Variants in CSMD2 observed in about 807,000 individuals in gnomAD.
The protein encoded by CSMD2 is CUB and sushi domain-containing protein 2.
CSMD2 carries 130 observed loss-of-function variants against 398.5 expected under a neutral mutation model. That is an observed-to-expected ratio of 0.33 (90% CI 0.28 to 0.38). CSMD2 has a LOEUF of 0.38. CSMD2 is among the 10% of genes least tolerant of loss of function. The pLI, the probability that CSMD2 is intolerant of heterozygous loss-of-function variation, is 1.00. For missense variants in CSMD2, 3,829 were observed against 4,764.9 expected (o/e 0.80, Z 5.78); for synonymous variants, 1,828 against 1,908.5 (o/e 0.96, Z 1.10).
At chr1:33,531,222 C>T (rs1655204994) in intron 64 of CSMD2, among the ~76,000 whole-genome samples, 1 of 152,170 alleles carries the variant, frequency 6.6e-6, no homozygotes, top group Non-Finnish European at 1.5e-5. Flanking sequence ...TACATATATA[C>T]AACTTTTATT....
intron 21 of CSMD2, among the ~76,000 whole-genome samples, chr1:33,711,927 G>A (rs1354280339): frequency 6.6e-6 from 1 of 152,198 alleles, no homozygotes; most frequent in Non-Finnish European, 1.5e-5. Flanking sequence ...GGAGGGGACA[G>A]GAGGGATAGA....
intron 10 of CSMD2, among the ~76,000 whole-genome samples, chr1:33,808,044 T>G (rs1656425783): frequency 6.6e-6 from 1 of 152,088 alleles, no homozygotes; most frequent in Admixed American, 6.6e-5. Flanking sequence ...TAATTATTTT[T>G]GAAACAGTTC....
chr1:34,086,182 T>C (rs1019353291), intron 2 of CSMD2, among the ~76,000 whole-genome samples: 1 of 152,212 alleles, frequency 6.6e-6, no homozygotes, highest in Non-Finnish European at 1.5e-5. Flanking sequence ...CAGTGCCCCA[T>C]TGGTTTGACC....
At chr1:33,623,347 A>G in intron 36 of CSMD2, 23 bp downstream of exon 36, 2 of 1,547,766 alleles carry the variant, frequency 1.3e-6, no homozygotes, top group South Asian at 1.1e-5. Context: ...CTCCAAATTG[A>G]AGCCCCTGGA....
intron 44 of CSMD2, chr1:33,599,839 G>A (rs1570892580): frequency 6.8e-6 from 2 of 292,922 alleles, no homozygotes; most frequent in Non-Finnish European, 1.3e-5. Context: ...GTTGCTTCCT[G>A]TTTCTTTCAC....
chr1:34,018,923 AGTG>A (rs763414685), intron 3 of CSMD2, among the ~76,000 whole-genome samples: 8 of 152,222 alleles, frequency 5.3e-5, no homozygotes, highest in Non-Finnish European at 1.2e-4. Context: ...TCCCTATTAT[AGTG>A]GAATATTTAA....
At chr1:34,084,784 A>G (rs2148350729) in intron 2 of CSMD2, among the ~76,000 whole-genome samples, 1 of 151,912 alleles carries the variant, frequency 6.6e-6, no homozygotes, top group East Asian at 1.9e-4. Context: ...TGTTGGTGGG[A>G]CTGTAAACTA....
intron 28 of CSMD2, among the ~76,000 whole-genome samples, chr1:33,651,124 A>C (rs1643732309): frequency 6.6e-6 from 1 of 152,106 alleles, no homozygotes; most frequent in Non-Finnish European, 1.5e-5. Context: ...TAGCTAAGGG[A>C]GAGATCGGCA....
chr1:33,679,409 C>T (rs1455067645), intron 25 of CSMD2, among the ~76,000 whole-genome samples: 7 of 152,048 alleles, frequency 4.6e-5, no homozygotes, highest in African/African-American at 1.7e-4. Context: ...ACCATGTTGG[C>T]CAGGATGGTC....
In CSMD2 at chr1:33,537,137, A is replaced by G; in HGVS notation, c.9806-42T>C. Reference sequence around the variant, plus strand: ...AAGACACAGATCACATGGTCATGGAAGCCTTCACGGCCTCATCTCACTCTG... The same window carrying G: ...AAGACACAGATCACATGGTCATGGAGGCCTTCACGGCCTCATCTCACTCTG... On this transcript the variant is annotated intron_variant, in intron 61 of 70. Coordinates refer to ENST00000373381, the MANE Select transcript of CSMD2 (RefSeq NM_001281956.2). The surrounding 1 kb of genome is among the most constrained non-coding windows in gnomAD (Gnocchi z 4.6). 6.2e-7 allele frequency: 1 copy of G among 1,602,216 alleles called. No homozygotes were observed. Among genetic ancestry groups the G allele is most frequent in the Non-Finnish European group, 8.6e-7 (1 of 1,169,216 alleles).
In CSMD2 at chr1:33,572,625, C is replaced by A. The variant is rs2148698385; in HGVS notation, c.7643G>T (p.Gly2548Val). ...ACTGCAGCTGTACATGGCCTTGGTT[C>A]CCACTGTGTACTCCTTGCCAAACAC... is the stretch of plus-strand genomic sequence containing the variant. ...GMVFGKEYTVGTKAMYSCSEG... is the reference protein window; with the variant it reads ...GMVFGKEYTVVTKAMYSCSEG... Residue 2548 changes from glycine (G) to valine (V), a missense_variant, in exon 50 of 71, where the codon GGA becomes GTA. This residue lies in a region of CSMD2 where 723 missense variants were observed against 758.6 expected (regional missense o/e 0.95). Coordinates refer to ENST00000373381, the MANE Select transcript of CSMD2 (RefSeq NM_001281956.2). 1 of 1,614,038 alleles carries A rather than the reference C, an allele frequency of 6.2e-7. No individual in the cohort carries two copies. Among genetic ancestry groups the A allele is most frequent in the Non-Finnish European group, 8.5e-7 (1 of 1,179,950 alleles).
intron 1 of CSMD2, among the ~76,000 whole-genome samples, chr1:34,128,711 A>G (rs1663004781): frequency 6.6e-6 from 1 of 152,130 alleles, no homozygotes; most frequent in Non-Finnish European, 1.5e-5. Context: ...GTCATCGGGG[A>G]GTGAGTAGAC....
At chr1:33,715,742 G>A (rs780052389) in intron 20 of CSMD2, among the ~76,000 whole-genome samples, 4 of 152,222 alleles carry the variant, frequency 2.6e-5, no homozygotes, top group Admixed American at 6.5e-5. Context: ...TGAAGGGCTC[G>A]GTATGAGAGG....
chr1:33,984,604 G>A (rs1428381239), intron 3 of CSMD2, among the ~76,000 whole-genome samples: 3 of 152,136 alleles, frequency 2.0e-5, no homozygotes, highest in East Asian at 1.9e-4. Context: ...GCAACATAGC[G>A]AGACTCTGTC....
intron 25 of CSMD2, among the ~76,000 whole-genome samples, chr1:33,676,194 G>A (rs1300901698): frequency 2.0e-5 from 3 of 152,200 alleles, no homozygotes; most frequent in Non-Finnish European, 4.4e-5. Flanking sequence ...TGACATGATT[G>A]TATATCTAGA....
intron 13 of CSMD2, among the ~76,000 whole-genome samples, chr1:33,750,097 G>GA (rs1006098676): frequency 6.6e-6 from 1 of 151,792 alleles, no homozygotes; most frequent in Non-Finnish European, 1.5e-5. Flanking sequence ...CTGATAGGAA[G>GA]AAAAAAAATT....
At chr1:33,866,303 C>T (rs1640030300) in intron 5 of CSMD2, among the ~76,000 whole-genome samples, 1 of 152,188 alleles carries the variant, frequency 6.6e-6, no homozygotes, top group Non-Finnish European at 1.5e-5. Flanking sequence ...TAAAAAATTT[C>T]CTTCTGACAG....
At chr1:34,113,632 G>C (rs550246469) in intron 1 of CSMD2, among the ~76,000 whole-genome samples, 3 of 152,144 alleles carry the variant, frequency 2.0e-5, no homozygotes, top group Non-Finnish European at 4.4e-5. Flanking sequence ...CAGGGGCTTG[G>C]GAGTGACATC....
intron 26 of CSMD2, among the ~76,000 whole-genome samples, chr1:33,661,998 C>T (rs1258501543): frequency 7.0e-6 from 1 of 142,412 alleles, no homozygotes; most frequent in Non-Finnish European, 1.5e-5. Context: ...GTATAATAAA[C>T]ACGAGCAGAA....
Sources: allele counts gnomAD v4.1 joint callset (sites outside exome capture counted in the v4.1 genomes callset), GRCh38; gene constraint gnomAD v4.1.1; regional missense constraint gnomAD v4.1.1; non-coding constraint Gnocchi (gnomAD v3.1); transcripts MANE v1.5; gene names NCBI Gene and HGNC (gene_info 2026-07-23, HGNC 2026-07-21).